KCNIP4: variants seen among roughly 807,000 people sequenced by gnomAD.
The protein encoded by KCNIP4 is Kv channel-interacting protein 4.
In KCNIP4, 12 loss-of-function variants were observed where a neutral mutation model predicts 34.0. That is an observed-to-expected ratio of 0.35 (90% CI 0.23 to 0.57). The LOEUF is 0.57. KCNIP4 is among the 20% of genes least tolerant of loss of function. The pLI is 0.83. For missense variants in KCNIP4, 238 were observed against 311.7 expected, an observed-to-expected ratio of 0.76 and a Z score of 1.78; for synonymous variants, 124 against 102.2, an observed-to-expected ratio of 1.21 and a Z score of -1.29.
At chr4:20,830,183 C>A (rs9799795) in intron 3 of KCNIP4, among the ~76,000 whole-genome samples, 59,129 of 152,032 alleles carry the variant, frequency 0.39, 12,149 homozygotes, top group Non-Finnish European at 0.45. Context: ...GTAGCAGCAT[C>A]AGGATATTTA....
At chr4:20,749,762 G>A (rs1370616717) in intron 4 of KCNIP4, 30 bp from the exon 5 acceptor site, 1 of 1,487,386 alleles carries the variant, frequency 6.7e-7, no homozygotes, top group East Asian at 2.3e-5. Context: ...GTATCATTAA[G>A]TCAGTGTTTC....
At position 21,752,004 on chromosome 4, in the gene KCNIP4, T is replaced by C. The variant is rs1002929192; in HGVS notation, c.61+196567A>G. On this transcript the variant is annotated intron_variant, in intron 1 of 8. Coordinates refer to ENST00000382152, the MANE Select transcript of KCNIP4 (RefSeq NM_025221.6). Reference sequence around the variant, plus strand: ...CTCCTTCAAGACGCATCAAAAGTTATAGATCAGCGCTGCCTTTTCCAGCTC... The same window carrying C: ...CTCCTTCAAGACGCATCAAAAGTTACAGATCAGCGCTGCCTTTTCCAGCTC... Among the ~76,000 whole-genome samples, 4 of 152,188 alleles carry C rather than the reference T, an allele frequency of 2.6e-5. 1 individual carries two copies. The South Asian group carries it at 6.2e-4, about 24-fold the overall frequency.
intron 1 of KCNIP4, among the ~76,000 whole-genome samples, chr4:21,430,569 A>C (rs1301399906): frequency 1.3e-5 from 2 of 152,132 alleles, no homozygotes; most frequent in African/African-American, 4.8e-5. Context: ...CCATTTTAAA[A>C]ATATCACTCA....
chr4:21,401,053 C>T (rs535576690), intron 1 of KCNIP4, among the ~76,000 whole-genome samples: 4 of 152,052 alleles, frequency 2.6e-5, no homozygotes, highest in Admixed American at 1.3e-4. Context: ...CCTAGCTACT[C>T]GGGAGGCTGA....
chr4:21,867,703 T>C (rs2109360698), intron 1 of KCNIP4, among the ~76,000 whole-genome samples: 1 of 152,310 alleles, frequency 6.6e-6, no homozygotes, highest in Middle Eastern at 3.4e-3. Flanking sequence ...CCAAATCAAT[T>C]GAGCAAGTGA....
At chr4:21,721,754 G>A (rs1714834686) in intron 1 of KCNIP4, among the ~76,000 whole-genome samples, 1 of 152,126 alleles carries the variant, frequency 6.6e-6, no homozygotes, top group South Asian at 2.1e-4. Context: ...TACTTTTGCT[G>A]CTACATCAAT....
intron 1 of KCNIP4, among the ~76,000 whole-genome samples, chr4:21,025,543 G>GTTTTT (rs772689134): frequency 0.058 from 2,026 of 34,764 alleles, 669 homozygotes; most frequent in Admixed American, 0.062. Flanking sequence ...CATTGATACT[G>GTTTTT]TTTTTTTTTT....
chr4:21,531,383 TTTTC>T (rs1208899833), intron 1 of KCNIP4, among the ~76,000 whole-genome samples: 1 of 127,706 alleles, frequency 7.8e-6, no homozygotes, highest in African/African-American at 2.9e-5. Flanking sequence ...CTTCCTTCCT[TTTTC>T]TTTCTTTCTT....
intron 1 of KCNIP4, among the ~76,000 whole-genome samples, chr4:21,192,253 T>TGC (rs1755708884): frequency 6.6e-6 from 1 of 152,186 alleles, no homozygotes; most frequent in African/African-American, 2.4e-5. Flanking sequence ...TTAGGGCACA[T>TGC]TATCAGTTGA....
At chr4:20,808,307 T>G (rs1715326302) in intron 3 of KCNIP4, among the ~76,000 whole-genome samples, 1 of 152,160 alleles carries the variant, frequency 6.6e-6, no homozygotes, top group Non-Finnish European at 1.5e-5. Context: ...TGAAGGCTAT[T>G]TGAGACAGGT....
intron 1 of KCNIP4, among the ~76,000 whole-genome samples, chr4:21,607,028 C>A (rs1469094777): frequency 6.8e-6 from 1 of 146,594 alleles, no homozygotes; most frequent in Non-Finnish European, 1.5e-5. Flanking sequence ...TAATTAGCAA[C>A]CTTTTTTTTT....
At chr4:21,557,365 C>A (rs1304945554) in intron 1 of KCNIP4, among the ~76,000 whole-genome samples, 1 of 151,994 alleles carries the variant, frequency 6.6e-6, no homozygotes, top group Non-Finnish European at 1.5e-5. Context: ...AAGTAAAATA[C>A]AATATTGGAA....
intron 1 of KCNIP4, among the ~76,000 whole-genome samples, chr4:21,427,061 A>G (rs1725992894): frequency 6.6e-6 from 1 of 152,052 alleles, no homozygotes; most frequent in Non-Finnish European, 1.5e-5. Flanking sequence ...GGGTTTACCT[A>G]ATTTGGGTTG....
intron 1 of KCNIP4, among the ~76,000 whole-genome samples, chr4:21,572,123 T>G (rs930986617): frequency 6.6e-6 from 1 of 152,180 alleles, no homozygotes; most frequent in Non-Finnish European, 1.5e-5. Flanking sequence ...GGGGATTCCA[T>G]TTGAAATAGC....
At chr4:20,911,390 T>G (rs1728312808) in intron 1 of KCNIP4, among the ~76,000 whole-genome samples, 1 of 152,188 alleles carries the variant, frequency 6.6e-6, no homozygotes, top group South Asian at 2.1e-4. Flanking sequence ...TTACAAATTT[T>G]ATATAACAGA....
At chr4:21,646,089 A>G (rs1746988270) in intron 1 of KCNIP4, among the ~76,000 whole-genome samples, 1 of 152,194 alleles carries the variant, frequency 6.6e-6, no homozygotes, top group Non-Finnish European at 1.5e-5. Flanking sequence ...TAAAGAGCGT[A>G]TCACTCACTT....
chr4:20,765,900 G>C (rs1367690110), intron 3 of KCNIP4, among the ~76,000 whole-genome samples: 1 of 152,180 alleles, frequency 6.6e-6, no homozygotes, highest in Non-Finnish European at 1.5e-5. Context: ...GGGGACACAT[G>C]TGAGGGTCAA....
intron 1 of KCNIP4, among the ~76,000 whole-genome samples, chr4:21,129,224 C>T (rs780759513): frequency 5.3e-5 from 8 of 152,186 alleles, no homozygotes; most frequent in Admixed American, 2.0e-4. Flanking sequence ...CCTTCCACCA[C>T]GATTGTGAGG....
In KCNIP4 at chr4:21,106,433, C is replaced by A. The variant is rs1045242104; in HGVS notation, c.62-223724G>T. Among the ~76,000 whole-genome samples, 11 of 151,664 alleles carry A rather than the reference C, an allele frequency of 7.3e-5. 1 individual carries two copies. The highest frequency in any genetic ancestry group is 2.4e-4 in the African/African-American group (10 of 41,026). On this transcript the variant is annotated intron_variant, in intron 1 of 8. Transcript: ENST00000382152. ...ATGGTAGTTTGTATTTCTGTGGGAT[C>A]GGTGGTGATATCCCCTTTATCATTT...
Sources: gnomAD v4.1 joint callset for allele counts (sites outside exome capture counted in the v4.1 genomes callset) on GRCh38, gnomAD v4.1.1 for gene constraint, MANE v1.5 for transcripts, NCBI Gene and HGNC (gene_info 2026-07-23, HGNC 2026-07-21) for gene names.